Variants in FBXO4 observed in about 807,000 individuals in gnomAD.
FBXO4 encodes F-box protein 4.
FBXO4 carries 36 observed loss-of-function variants against 43.7 expected under a neutral mutation model. The observed-to-expected ratio is 0.82, with a 90% confidence interval of 0.63 to 1.09. The LOEUF (loss-of-function observed/expected upper bound fraction) is 1.09, where lower values mean the gene tolerates loss of function less well. Among genes scored for constraint, FBXO4 ranks in the 50% least tolerant of loss-of-function variants. FBXO4 has a pLI of 0.00. For synonymous variants in FBXO4, 180 were observed against 165.6 expected, an observed-to-expected ratio of 1.09 and a Z score of -0.67; for missense variants, 435 against 474.1, an observed-to-expected ratio of 0.92 and a Z score of 0.77.
At position 41,929,821 on chromosome 5, in the gene FBXO4, C is replaced by T; in HGVS notation, c.550C>T (p.Pro184Ser). 1 of 1,614,096 alleles carries T rather than the reference C, an allele frequency of 6.2e-7. No individual in the cohort carries two copies. Residue 184 changes from proline (P) to serine (S), a missense_variant, in exon 3 of 7, where the codon CCA becomes TCA. By Grantham distance (74) the Pro-to-Ser change is moderately conservative (BLOSUM62 -1). Transcript: ENST00000281623. ...QNEPRFAMFGPGLEELNTSLV... is the reference protein window; with the variant it reads ...QNEPRFAMFGSGLEELNTSLV... ...TGAACCACGATTTGCTATGTTTGGACCAGGTTTGGAAGAATTGAATACCTC... is the reference window on the plus strand; with the variant it reads ...TGAACCACGATTTGCTATGTTTGGATCAGGTTTGGAAGAATTGAATACCTC...
chr5:41,964,840 G>A, the FBXO4 span, among the ~76,000 whole-genome samples: 1 of 151,914 alleles, frequency 6.6e-6, no homozygotes, highest in Admixed American at 6.6e-5. Context: ...GGTTGCCTGT[G>A]CACTCTGATG....
At chr5:42,006,389 C>T in the FBXO4 span, among the ~76,000 whole-genome samples, 1 of 151,938 alleles carries the variant, frequency 6.6e-6, no homozygotes, top group Non-Finnish European at 1.5e-5. Context: ...TATCAAAGTA[C>T]CTACCTATAA....
At chr5:42,022,930 A>G in the FBXO4 span, among the ~76,000 whole-genome samples, 116 of 152,270 alleles carry the variant, frequency 7.6e-4, no homozygotes, top group Non-Finnish European at 1.4e-3. Flanking sequence ...TTATTCTGTG[A>G]ATAGATAATT....
At position 41,929,851 on chromosome 5, in the gene FBXO4, G is replaced by GT; in HGVS notation, c.581dup (p.Leu195ValfsTer21). The GT allele has an allele frequency of 6.2e-7, 1 of 1,614,134 alleles. No homozygotes were observed. Among genetic ancestry groups the GT allele is most frequent in the Non-Finnish European group, 8.5e-7 (1 of 1,180,026 alleles). ...TTTGGAAGAATTGAATACCTCTTTG[G>GT]TGTTGAGCTTGATGTCTTCAGAGGA... On this transcript the variant is annotated frameshift_variant, in exon 3 of 7. Transcript: ENST00000281623. LOFTEE classifies it high-confidence loss of function.
At chr5:42,016,514 A>C in the FBXO4 span, among the ~76,000 whole-genome samples, 4 of 152,034 alleles carry the variant, frequency 2.6e-5, no homozygotes, top group African/African-American at 9.7e-5. Context: ...GGCATAATTC[A>C]ACCACAAAGC....
At chr5:42,018,572 A>T in the FBXO4 span, among the ~76,000 whole-genome samples, 3 of 152,180 alleles carry the variant, frequency 2.0e-5, no homozygotes, top group Non-Finnish European at 4.4e-5. Flanking sequence ...TGTTTTTTAT[A>T]AAGTGTAGAA....
chr5:42,000,509 C>T, the FBXO4 span, among the ~76,000 whole-genome samples: 1 of 151,966 alleles, frequency 6.6e-6, no homozygotes, highest in Non-Finnish European at 1.5e-5. Context: ...ATATGGTTTG[C>T]AAATATTTTC....
chr5:42,026,661 C>T, the FBXO4 span, among the ~76,000 whole-genome samples: 2,428 of 151,758 alleles, frequency 0.016, 121 homozygotes, highest in East Asian at 0.1. Flanking sequence ...AAAGGATTTC[C>T]GTTTTTCCCC....
the FBXO4 span, among the ~76,000 whole-genome samples, chr5:41,980,515 C>T: frequency 1.3e-5 from 2 of 152,024 alleles, no homozygotes; most frequent in Admixed American, 6.6e-5. Flanking sequence ...AAAACACATC[C>T]TTATGATAAA....
At chr5:42,022,303 A>G in the FBXO4 span, among the ~76,000 whole-genome samples, 2 of 152,158 alleles carry the variant, frequency 1.3e-5, no homozygotes, top group Non-Finnish European at 2.9e-5. Context: ...GCACTGAATA[A>G]GCCAATTTTA....
At chr5:42,020,923 T>G in the FBXO4 span, among the ~76,000 whole-genome samples, 1 of 152,070 alleles carries the variant, frequency 6.6e-6, no homozygotes, top group African/African-American at 2.4e-5. Flanking sequence ...AGGTAAACAC[T>G]AGGAAATTAG....
At chr5:42,026,622 C>G in the FBXO4 span, among the ~76,000 whole-genome samples, 1 of 151,828 alleles carries the variant, frequency 6.6e-6, no homozygotes, top group Non-Finnish European at 1.5e-5. Flanking sequence ...TGACAATGAG[C>G]CTTCTTGTTG....
At chr5:41,970,842 A>G in the FBXO4 span, among the ~76,000 whole-genome samples, 10 of 152,046 alleles carry the variant, frequency 6.6e-5, no homozygotes, top group Non-Finnish European at 1.3e-4. Context: ...CAGGAAATAT[A>G]GGATATGGGC....
At chr5:41,952,463 A>C in the FBXO4 span, among the ~76,000 whole-genome samples, 1 of 152,348 alleles carries the variant, frequency 6.6e-6, no homozygotes, top group East Asian at 1.9e-4. Flanking sequence ...CCTTTTTAAC[A>C]ATAGTATAAC....
the FBXO4 span, among the ~76,000 whole-genome samples, chr5:41,956,099 C>G: frequency 2.0e-5 from 3 of 152,038 alleles, no homozygotes; most frequent in African/African-American, 4.8e-5. Context: ...CACTGTCATA[C>G]AAAGAAAGAT....
the FBXO4 span, among the ~76,000 whole-genome samples, chr5:41,963,562 T>A: frequency 1.3e-5 from 2 of 152,202 alleles, no homozygotes; most frequent in African/African-American, 2.4e-5. Flanking sequence ...TAACATATAT[T>A]TTGTATACGT....
chr5:41,983,377 T>C, the FBXO4 span, among the ~76,000 whole-genome samples: 1 of 152,180 alleles, frequency 6.6e-6, no homozygotes, highest in Non-Finnish European at 1.5e-5. Flanking sequence ...TATGCACTTC[T>C]AATACTGTCA....
At chr5:42,002,702 C>CTATAT in the FBXO4 span, among the ~76,000 whole-genome samples, 1 of 152,172 alleles carries the variant, frequency 6.6e-6, no homozygotes, top group Non-Finnish European at 1.5e-5. Flanking sequence ...CTATATCTAT[C>CTATAT]TATATTATCT....
chr5:41,951,357 G>T, the FBXO4 span: 5 of 233,324 alleles, frequency 2.1e-5, no homozygotes, highest in East Asian at 4.5e-4. Context: ...TGAGCAGTGG[G>T]AGGGCAAACC....
Sources: allele counts gnomAD v4.1 joint callset (sites outside exome capture counted in the v4.1 genomes callset), GRCh38; gene constraint gnomAD v4.1.1; transcripts MANE v1.5; gene names NCBI Gene and HGNC (gene_info 2026-07-23, HGNC 2026-07-21).